Variants in CCL28 observed in about 807,000 individuals in gnomAD.
CCL28 encodes C-C motif chemokine ligand 28.
A neutral mutation model predicts 7.1 loss-of-function variants in CCL28; 4 were observed. The ratio of observed to expected loss-of-function variants is 0.56; its 90% CI spans 0.28 to 1.29. The LOEUF is 1.29. Among genes scored for constraint, CCL28 ranks in the 50% most tolerant of loss-of-function variants. The probability of loss-of-function intolerance (pLI) is 0.11; values close to 1 mark genes in which losing one functional copy is unlikely to be tolerated. For missense variants in CCL28, 151 were observed against 163.4 expected (o/e 0.92, Z 0.41); for synonymous variants, 55 against 57.8 (o/e 0.95, Z 0.22).
chr5:43,383,674 AAAAC>A (rs951921042), intron 2 of CCL28, among the ~76,000 whole-genome samples: 33 of 152,286 alleles, frequency 2.2e-4, no homozygotes, highest in East Asian at 5.8e-4. Flanking sequence ...GTAGGAAACA[AAAAC>A]AAACAAACAA....
chr5:43,409,281 C>T (rs1236768546), intron 1 of CCL28, among the ~76,000 whole-genome samples: 1 of 152,062 alleles, frequency 6.6e-6, no homozygotes, highest in Non-Finnish European at 1.5e-5. Context: ...CAAAAATTAG[C>T]TGGGTGTGGT....
the CCL28 span, among the ~76,000 whole-genome samples, chr5:43,361,484 T>C: frequency 6.6e-6 from 1 of 152,220 alleles, no homozygotes; most frequent in Non-Finnish European, 1.5e-5. Context: ...GCAGAAGCTC[T>C]TTAGTTTAAT....
intron 1 of CCL28, among the ~76,000 whole-genome samples, chr5:43,406,339 C>CA (rs1295904625): frequency 2.6e-5 from 4 of 152,036 alleles, no homozygotes; most frequent in African/African-American, 7.2e-5. Context: ...AAGGCTGGTT[C>CA]AACATACACA....
At chr5:43,392,177 C>A (rs1452317571) in intron 1 of CCL28, among the ~76,000 whole-genome samples, 1 of 152,096 alleles carries the variant, frequency 6.6e-6, no homozygotes, top group Admixed American at 6.6e-5. Flanking sequence ...AGTGCAGTGG[C>A]GCGATCTCGG....
In CCL28 at chr5:43,381,714, A is replaced by C. The variant is rs1740122626; in HGVS notation, c.*146T>G. ...TGAGTATATTATTGGCTACATTTGC[A>C]TACCGCACAATTGTTCATTTTTTAA... On this transcript the variant is annotated 3_prime_UTR_variant, in exon 3 of 3. Transcript: ENST00000361115. The C allele has an allele frequency of 4.5e-6, 3 of 668,422 alleles. No homozygotes were observed. Among genetic ancestry groups the C allele is most frequent in the Non-Finnish European group, 7.8e-6 (3 of 383,884 alleles). The allele number at this position is 668,422 out of a possible 1,614,324, so 41.4% of individuals were successfully genotyped here.
chr5:43,388,626 G>T, intron 1 of CCL28, 150 bp from the exon 2 acceptor site: 1 of 693,302 alleles, frequency 1.4e-6, no homozygotes, highest in Non-Finnish European at 2.3e-6. Flanking sequence ...GGCAGGACAT[G>T]TTCCCACTTT....
At chr5:43,404,821 C>T (rs1188259085) in intron 1 of CCL28, among the ~76,000 whole-genome samples, 1 of 151,962 alleles carries the variant, frequency 6.6e-6, no homozygotes, top group Non-Finnish European at 1.5e-5. Flanking sequence ...GGAAGATCTA[C>T]CAAGCAAATG....
At chr5:43,360,407 T>C in the CCL28 span, among the ~76,000 whole-genome samples, 2 of 152,216 alleles carry the variant, frequency 1.3e-5, no homozygotes, top group Non-Finnish European at 2.9e-5. Context: ...TTTTATCTGC[T>C]CCTTTCCTTC....
downstream of CCL28, among the ~76,000 whole-genome samples, chr5:43,374,212 G>T (rs1422374491): frequency 6.6e-6 from 1 of 152,206 alleles, no homozygotes; most frequent in East Asian, 1.9e-4. Flanking sequence ...ACTGGATGAA[G>T]AAAGGAGATG....
intron 2 of CCL28, 142 bp downstream of exon 2, chr5:43,388,207 TG>T: frequency 9.6e-7 from 1 of 1,037,302 alleles, no homozygotes; most frequent in African/African-American, 1.6e-5. Context: ...TGGGGCCTAA[TG>T]GACAGAATAT....
At chr5:43,373,409 TC>T (rs1224663488), downstream of CCL28, among the ~76,000 whole-genome samples, 3 of 152,086 alleles carry the variant, frequency 2.0e-5, no homozygotes, top group Non-Finnish European at 4.4e-5. Flanking sequence ...CAAGTGATTC[TC>T]CTGCCTCAGC....
chr5:43,382,301 A>G (rs1214023109), intron 2 of CCL28, among the ~76,000 whole-genome samples: 1 of 152,202 alleles, frequency 6.6e-6, no homozygotes, highest in Admixed American at 6.5e-5. Flanking sequence ...AAGAAAGAGA[A>G]GGAGAAGAAG....
At chr5:43,360,232 C>A in the CCL28 span, among the ~76,000 whole-genome samples, 2 of 151,778 alleles carry the variant, frequency 1.3e-5, no homozygotes, top group Non-Finnish European at 1.5e-5. Context: ...GTCCCCAGAC[C>A]CACGTAAAAA....
At chr5:43,363,239 T>C in the CCL28 span, among the ~76,000 whole-genome samples, 13 of 152,182 alleles carry the variant, frequency 8.5e-5, no homozygotes, top group African/African-American at 3.1e-4. Context: ...TGTTACTGAA[T>C]TCTAGATCCT....
At chr5:43,365,160 A>G in the CCL28 span, among the ~76,000 whole-genome samples, 1 of 151,954 alleles carries the variant, frequency 6.6e-6, no homozygotes, top group Non-Finnish European at 1.5e-5. Flanking sequence ...ATGTGCCACC[A>G]TATCCAGCTA....
downstream of CCL28, among the ~76,000 whole-genome samples, chr5:43,373,303 TTGTG>T (rs796104835): frequency 6.6e-6 from 1 of 151,500 alleles, no homozygotes; most frequent in African/African-American, 2.4e-5. Context: ...CGCTTGATTT[TTGTG>T]TGTGTGTGTG....
chr5:43,408,325 T>G (rs979236822), intron 1 of CCL28, among the ~76,000 whole-genome samples: 4 of 152,210 alleles, frequency 2.6e-5, no homozygotes, highest in Admixed American at 2.6e-4. Flanking sequence ...AAGGATGAGT[T>G]CATGTCCTTT....
chr5:43,381,970 T>C lies in CCL28; in HGVS notation c.274A>G (p.Lys92Glu). Reference sequence around the variant, plus strand: ...TGGCAAACATTTCCTTTACCATTTTTCTTGGCAGCTTGCACTTTCATCCAC... The same window carrying C: ...TGGCAAACATTTCCTTTACCATTTTCCTTGGCAGCTTGCACTTTCATCCAC... ...KQWMKVQAAK[K>E]NGKGNVCHRK... The change falls in exon 3 of 3, where the codon AAA (lysine) becomes GAA (glutamate). Residue 92 changes from lysine (K) to glutamate (E), a missense_variant. Physicochemically the swap from Lys to Glu is moderately conservative, Grantham distance 56. Coordinates refer to ENST00000361115, the MANE Select transcript of CCL28 (RefSeq NM_148672.3). 3.1e-6 allele frequency: 5 copies of C among 1,614,232 alleles called. No homozygotes were observed. Among genetic ancestry groups the C allele is most frequent in the Non-Finnish European group, 4.2e-6 (5 of 1,180,040 alleles).
At chr5:43,395,855 CTTT>C (rs35785846) in intron 1 of CCL28, among the ~76,000 whole-genome samples, 3 of 94,232 alleles carry the variant, frequency 3.2e-5, no homozygotes, top group Admixed American at 1.3e-4. Flanking sequence ...TACCCCCCGC[CTTT>C]TTTTTTTTTT....
Sources: gnomAD v4.1 joint callset for allele counts (sites outside exome capture counted in the v4.1 genomes callset) on GRCh38, gnomAD v4.1.1 for gene constraint, MANE v1.5 for transcripts, NCBI Gene and HGNC (gene_info 2026-07-23, HGNC 2026-07-21) for gene names.